Variants in DNM2 observed in about 807,000 individuals in gnomAD.
DNM2 encodes the protein dynamin-2.
Under a neutral mutation model 99.0 loss-of-function variants are expected in DNM2, and 15 were observed. That is an observed-to-expected ratio of 0.15 (90% CI 0.10 to 0.23). DNM2 has a LOEUF of 0.23. Ranked by LOEUF, DNM2 falls within the 10% of genes least tolerant of loss-of-function variation. The probability of loss-of-function intolerance (pLI) is 1.00; values close to 1 mark genes in which losing one functional copy is unlikely to be tolerated. For missense variants in DNM2, 742 were observed against 1,189.4 expected, an observed-to-expected ratio of 0.62 and a Z score of 5.53; for synonymous variants, 525 against 481.2, an observed-to-expected ratio of 1.09 and a Z score of -1.19.
In DNM2 at chr19:10,764,522, T is replaced by G. The variant is rs1174430890; in HGVS notation, c.235+4711T>G. Among the ~76,000 whole-genome samples, 1 of 152,204 alleles carries G rather than the reference T, an allele frequency of 6.6e-6. No homozygotes were observed. Among genetic ancestry groups the G allele is most frequent in the Non-Finnish European group, 1.5e-5 (1 of 68,032 alleles). On this transcript the variant is annotated intron_variant, in intron 2 of 20. Transcript: ENST00000389253. This position sits in a 1 kb window ranked among gnomAD's most constrained non-coding sequence, Gnocchi z 4.1. ...CACTGGGAAGCAGCCCCGTAAACTC[T>G]GAGTGCCTGGGACTGTTCCTGTGTG...
intron 1 of DNM2, among the ~76,000 whole-genome samples, chr19:10,744,462 G>A (rs1041772295): frequency 1.3e-5 from 2 of 152,130 alleles, no homozygotes; most frequent in African/African-American, 4.8e-5. Context: ...CCATCACCCC[G>A]GGAGAGTCTC....
At chr19:10,742,271 G>A (rs1014972378) in intron 1 of DNM2, among the ~76,000 whole-genome samples, 1 of 152,144 alleles carries the variant, frequency 6.6e-6, no homozygotes, top group African/African-American at 2.4e-5. Flanking sequence ...GATGTTGCCA[G>A]GCCCACCAGG....
chr19:10,729,636 C>T (rs766685357), intron 1 of DNM2, among the ~76,000 whole-genome samples: 3 of 152,082 alleles, frequency 2.0e-5, no homozygotes, highest in African/African-American at 2.4e-5. Context: ...CGTGGAATGC[C>T]GACTTTTCTA....
chr19:10,784,122 C>T (rs2071474231), intron 6 of DNM2, among the ~76,000 whole-genome samples: 1 of 152,162 alleles, frequency 6.6e-6, no homozygotes, highest in Non-Finnish European at 1.5e-5. Context: ...TGTTTTCTAG[C>T]ACCTTCCAGG....
chr19:10,798,418 G>C (rs1806439708), intron 10 of DNM2, 68 bp from the exon 11 acceptor site: 1 of 1,387,012 alleles, frequency 7.2e-7, no homozygotes, highest in South Asian at 1.2e-5. Flanking sequence ...TTTTCTACCT[G>C]TGTGGTTCAT....
Position 10,734,714 on chromosome 19 carries a change from T to TA in DNM2, c.161+16320dup, listed in dbSNP as rs546377594. Reference sequence around the variant, plus strand: ...CAATTTTTCCCATATGAGACTAATTTAAAAAAAAATTTTTTTTTTTTATCG... The same window carrying TA: ...CAATTTTTCCCATATGAGACTAATTTAAAAAAAAAATTTTTTTTTTTTATCG... On this transcript the variant is annotated intron_variant, in intron 1 of 20. Transcript: ENST00000389253. 4.8e-5 allele frequency among the ~76,000 whole-genome samples: 7 copies of TA among 145,758 alleles called. No homozygotes were observed. In the South Asian group the frequency reaches 8.4e-4, roughly 18 times the overall value.
intron 1 of DNM2, among the ~76,000 whole-genome samples, chr19:10,732,260 T>C (rs2069349033): frequency 6.8e-6 from 1 of 146,010 alleles, no homozygotes; most frequent in Non-Finnish European, 1.5e-5. Context: ...TAAACTCTTT[T>C]CTGTTAAAGG....
chr19:10,830,882 G>A lies in DNM2; in HGVS notation c.2544-96G>A. On this transcript the variant is annotated intron_variant, in intron 20 of 20. Transcript: ENST00000389253. The surrounding 1 kb of genome is among the most constrained non-coding windows in gnomAD (Gnocchi z 4.8). ...CAGCCTGGGAACACCCTGGGGTGGT[G>A]TGTGGGTGGGGGCTGGGTCCTCAAC... The A allele has an allele frequency of 9.8e-6, 14 of 1,429,120 alleles. No homozygotes were observed. Among genetic ancestry groups the A allele is most frequent in the Non-Finnish European group, 1.2e-5 (13 of 1,059,180 alleles). The allele number at this position is 1,429,120 out of a possible 1,614,324, so 88.5% of individuals were successfully genotyped here.
chr19:10,830,456 A>G lies in DNM2; in HGVS notation c.2543+78A>G. The G allele has an allele frequency of 6.7e-7, 1 of 1,493,380 alleles. No homozygotes were observed. Among genetic ancestry groups the G allele is most frequent in the Non-Finnish European group, 9.1e-7 (1 of 1,093,584 alleles). The allele number at this position is 1,493,380 out of a possible 1,614,324, so 92.5% of individuals were successfully genotyped here. On this transcript the variant is annotated intron_variant, in intron 20 of 20. Transcript: ENST00000389253. This position sits in a 1 kb window ranked among gnomAD's most constrained non-coding sequence, Gnocchi z 4.8. Reference sequence around the variant, plus strand: ...CCTCCTGTCTCACTTCCTCCCAGTGAGCTCTCACTACGTGCCCAGCTGCTG... The same window carrying G: ...CCTCCTGTCTCACTTCCTCCCAGTGGGCTCTCACTACGTGCCCAGCTGCTG...
intron 11 of DNM2, among the ~76,000 whole-genome samples, chr19:10,801,639 G>A (rs2072147780): frequency 6.7e-6 from 1 of 149,926 alleles, no homozygotes; most frequent in African/African-American, 2.5e-5. Context: ...AGGCGCAGTG[G>A]CTCATGCTTG....
At chr19:10,761,885 C>T (rs938768010) in intron 2 of DNM2, among the ~76,000 whole-genome samples, 3 of 152,170 alleles carry the variant, frequency 2.0e-5, no homozygotes, top group Non-Finnish European at 1.5e-5. Context: ...CGTACGCCAC[C>T]GATGGGCCAA....
At chr19:10,750,331 T>C (rs1229348961) in intron 1 of DNM2, among the ~76,000 whole-genome samples, 1 of 151,514 alleles carries the variant, frequency 6.6e-6, no homozygotes, top group Non-Finnish European at 1.5e-5. Context: ...ATAAAAAAAT[T>C]AGCCGGGCAT....
Position 10,823,881 on chromosome 19 carries a change from C to G in DNM2, c.1875C>G (p.Val625=). 1 of 1,613,774 alleles carries G rather than the reference C, an allele frequency of 6.2e-7. No individual in the cohort carries two copies. Among genetic ancestry groups the G allele is most frequent in the South Asian group, 1.1e-5 (1 of 91,074 alleles). ...AGGCCTCGTTCCTCCGAGCTGGCGT[C>G]TACCCCGAGAAGGACCAGGTGAGGA... ...SWKASFLRAG[V]YPEKDQAENE... is the part of the protein sequence containing the mutation. Residue 625 remains valine, a synonymous_variant, in exon 17 of 21, where the codon GTC becomes GTG. Transcript: ENST00000389253.
chr19:10,779,502 C>CTTTCTTTTTTTTTTTT (rs1290878626), intron 5 of DNM2, among the ~76,000 whole-genome samples: 3 of 29,604 alleles, frequency 1.0e-4, no homozygotes, highest in African/African-American at 1.4e-4. Flanking sequence ...TTCTTTCTTT[C>CTTTCTTTTTTTTTTTT]TTTTTTTTTT....
In DNM2 at chr19:10,786,657, A is replaced by C. The variant is rs1046145758; in HGVS notation, c.943A>C (p.Lys315Gln). 4 of 1,614,110 alleles carry C rather than the reference A, an allele frequency of 2.5e-6. No homozygotes were observed. Among genetic ancestry groups the C allele is most frequent in the Admixed American group, 1.7e-5 (1 of 60,010 alleles). Residue 315 changes from lysine to glutamine, a missense_variant, in exon 7 of 21, where the codon AAG becomes CAG. Lys to Gln is a moderately conservative substitution (Grantham distance 53). This residue lies in a region of DNM2 where 44 missense variants were observed against 41.3 expected (regional missense o/e 1.06). Coordinates refer to ENST00000389253, the MANE Select transcript of DNM2 (RefSeq NM_001005361.3). ...CCTGGAGAAGGAGGTGGAGGAGTAC[A>C]AGAACTTTCGGCCCGACGACCCCAC... ...LSLEKEVEEY[K>Q]NFRPDDPTRK... is the part of the protein sequence containing the mutation.
At chr19:10,750,797 G>C (rs2070165307) in intron 1 of DNM2, among the ~76,000 whole-genome samples, 1 of 152,090 alleles carries the variant, frequency 6.6e-6, no homozygotes, top group African/African-American at 2.4e-5. Context: ...GCCGGGTGTG[G>C]TGCTGGGCGC....
At chr19:10,825,006 G>A in intron 17 of DNM2, 51 bp from the exon 18 acceptor site, 1 of 1,611,982 alleles carries the variant, frequency 6.2e-7, no homozygotes, top group Middle Eastern at 1.9e-4. Context: ...AGAGAACCAG[G>A]ACTTGGCCCA....
chr19:10,761,202 T>G (rs962693943), intron 2 of DNM2, among the ~76,000 whole-genome samples: 3 of 152,106 alleles, frequency 2.0e-5, no homozygotes, highest in Non-Finnish European at 4.4e-5. Flanking sequence ...TTGGCCAGGC[T>G]GGTCTTGATC....
At chr19:10,720,979 A>T (rs1024520009) in intron 1 of DNM2, among the ~76,000 whole-genome samples, 3 of 152,104 alleles carry the variant, frequency 2.0e-5, no homozygotes, top group African/African-American at 7.2e-5. Context: ...TGGAGGCTGT[A>T]AAGTGAGGAG....
Sources: gnomAD v4.1 joint callset for allele counts (sites outside exome capture counted in the v4.1 genomes callset) on GRCh38, gnomAD v4.1.1 for gene constraint, gnomAD v4.1.1 regional missense constraint, Gnocchi (gnomAD v3.1) non-coding constraint, MANE v1.5 for transcripts, NCBI Gene and HGNC (gene_info 2026-07-23, HGNC 2026-07-21) for gene names.